The following TMEM134 variants were observed in gnomAD, a reference collection of about 807,000 sequenced individuals.
TMEM134 encodes transmembrane protein 134.
Under a neutral mutation model 26.2 loss-of-function variants are expected in TMEM134, and 36 were observed. That is an observed-to-expected ratio of 1.37 (90% CI 1.05 to 1.81). The LOEUF (loss-of-function observed/expected upper bound fraction) is 1.81, where lower values mean the gene tolerates loss of function less well. Ranked by LOEUF, TMEM134 falls within the 40% of genes most tolerant of loss-of-function variation. TMEM134 has a pLI of 0.00. For missense variants in TMEM134, 339 were observed against 263.5 expected (o/e 1.29, Z -1.98); for synonymous variants, 133 against 113.6 (o/e 1.17, Z -1.08).
At chr11:67,466,323 G>A (rs1457828523) in intron 4 of TMEM134, 1 of 152,292 alleles carries the variant, frequency 6.6e-6, no homozygotes, top group Non-Finnish European at 1.5e-5. Flanking sequence ...ACTCCTGCCT[G>A]GGCGACAGAG....
Position 67,469,175 on chromosome 11 carries a change from G to C in TMEM134, c.18C>G (p.Pro6=), listed in dbSNP as rs915108558. The C allele has an allele frequency of 7.3e-7, 1 of 1,362,344 alleles. No individual in the cohort carries two copies. Among genetic ancestry groups the C allele is most frequent in the Non-Finnish European group, 9.5e-7 (1 of 1,048,406 alleles). The allele number at this position is 1,362,344 out of a possible 1,614,324, so 84.4% of individuals were successfully genotyped here. ...CGAAGGCATCATCAATGCTGAACTG[G>C]GGCCGGGCGGCGCTCATGGCCCCGG... is the stretch of plus-strand genomic sequence containing the variant. MSAAR[P]QFSIDDAFEL... is the part of the protein sequence containing the mutation. The change falls in exon 1 of 7, where the codon CCC becomes CCG. Residue 6 remains proline (P), a synonymous_variant. Coordinates refer to ENST00000308022, the MANE Select transcript of TMEM134 (RefSeq NM_025124.4).
Position 67,469,246 on chromosome 11 carries a change from A to C in TMEM134, c.-54T>G. Reference sequence around the variant, plus strand: ...CGCCGCCATCTGCGCCCACACACCCAGCGTCGCCGCTGCCCCGCCCCCGCA... The same window carrying C: ...CGCCGCCATCTGCGCCCACACACCCCGCGTCGCCGCTGCCCCGCCCCCGCA... On this transcript the variant is annotated 5_prime_UTR_variant, in exon 1 of 7. Coordinates refer to ENST00000308022, the MANE Select transcript of TMEM134 (RefSeq NM_025124.4). 1 of 1,226,312 alleles carries C rather than the reference A, an allele frequency of 8.2e-7. No homozygotes were observed. Among genetic ancestry groups the C allele is most frequent in the Non-Finnish European group, 1.0e-6 (1 of 980,522 alleles). The allele number at this position is 1,226,312 out of a possible 1,614,324, so 76.0% of individuals were successfully genotyped here.
chr11:67,464,965 G>C, intron 5 of TMEM134, 91 bp downstream of exon 5: 17 of 1,507,670 alleles, frequency 1.1e-5, no homozygotes, highest in Non-Finnish European at 1.5e-5. Flanking sequence ...AAAAGGAGCC[G>C]TGTACTGCCG....
Position 67,464,857 on chromosome 11 carries a change from C to G in TMEM134, c.452-1G>C, listed in dbSNP as rs762916442. ...ACGAAGAAGATGGCGCTGGAGACACCTGCGGGAGGGACCAGAGCCCGGTCA... is the reference window on the plus strand; with the variant it reads ...ACGAAGAAGATGGCGCTGGAGACACGTGCGGGAGGGACCAGAGCCCGGTCA... On this transcript the variant is annotated splice_acceptor_variant, in intron 5 of 6. Coordinates refer to ENST00000308022, the MANE Select transcript of TMEM134 (RefSeq NM_025124.4). LOFTEE classifies it high-confidence loss of function. 3 of 1,610,398 alleles carry G rather than the reference C, an allele frequency of 1.9e-6. No individual in the cohort carries two copies. The highest frequency in any genetic ancestry group is 2.5e-6 in the Non-Finnish European group (3 of 1,179,754).
rs1464875722 is a variant in TMEM134 at position 67,469,201 on chromosome 11, C to A, written c.-9G>T. On this transcript the variant is annotated 5_prime_UTR_variant, in exon 1 of 7. Transcript: ENST00000308022. ...GGCCGGGCGGCGCTCATGGCCCCGGCCCGCTCAGGCGCCGTGCGCCGCCGC... is the reference window on the plus strand; with the variant it reads ...GGCCGGGCGGCGCTCATGGCCCCGGACCGCTCAGGCGCCGTGCGCCGCCGC... The A allele has an allele frequency of 2.3e-6, 3 of 1,289,594 alleles. No homozygotes were observed. Among genetic ancestry groups the A allele is most frequent in the Non-Finnish European group, 3.0e-6 (3 of 1,013,628 alleles). The allele number at this position is 1,289,594 out of a possible 1,614,324, so 79.9% of individuals were successfully genotyped here.
At chr11:67,464,881 C>T (rs759028369) in intron 5 of TMEM134, 25 bp from the exon 6 acceptor site, 21 of 1,608,726 alleles carry the variant, frequency 1.3e-5, no homozygotes, top group African/African-American at 1.2e-4. Context: ...AGAGCCCGGT[C>T]AGGGCGAGGG....
Position 67,464,021 on chromosome 11 carries a change from G to C in TMEM134, c.*593C>G, listed in dbSNP as rs137957890. The C allele has an allele frequency of 5.2e-3, 831 of 158,600 alleles. 2 individuals carry two copies. Among genetic ancestry groups the C allele is most frequent in the Non-Finnish European group, 9.0e-3 (639 of 71,360 alleles). 9.8% of individuals were successfully genotyped at this position (158,600 alleles called of 1,614,324 possible). On this transcript the variant is annotated 3_prime_UTR_variant, in exon 7 of 7. Coordinates refer to ENST00000308022, the MANE Select transcript of TMEM134 (RefSeq NM_025124.4). ...AGCCCAGGGCCCCAGAGCCAGGCTG[G>C]AACTAGGATACCAGCCTCCAGGTCC...
At chr11:67,467,186 A>AT (rs1250815296) in intron 4 of TMEM134, 126 bp downstream of exon 4, 26 of 842,838 alleles carry the variant, frequency 3.1e-5, no homozygotes, top group Non-Finnish European at 4.7e-5. Context: ...GAGTGTGATG[A>AT]TGGCAGCCAG....
chr11:67,465,469 G>A, intron 4 of TMEM134: 1 of 229,748 alleles, frequency 4.4e-6, no homozygotes, highest in Non-Finnish European at 8.7e-6. Flanking sequence ...AGGTGATTGG[G>A]ATATAGGGGG....
rs974076540 is a variant in TMEM134 at position 67,469,173 on chromosome 11, T to A, written c.20A>T (p.Gln7Leu). The A allele has an allele frequency of 1.2e-5, 17 of 1,369,126 alleles. No individual in the cohort carries two copies. Among genetic ancestry groups the A allele is most frequent in the Non-Finnish European group, 1.0e-5 (11 of 1,051,758 alleles). 84.8% of individuals were successfully genotyped at this position (1,369,126 alleles called of 1,614,324 possible). Reference protein sequence around the residue: MSAARPQFSIDDAFELS... With the variant: MSAARPLFSIDDAFELS... ...CTCGAAGGCATCATCAATGCTGAAC[T>A]GGGGCCGGGCGGCGCTCATGGCCCC... is the stretch of plus-strand genomic sequence containing the variant. Residue 7 changes from glutamine (Q) to leucine (L), a missense_variant, in exon 1 of 7, where the codon CAG (glutamine) becomes CTG (leucine). Transcript: ENST00000308022.
rs1865039788 is a variant in TMEM134, at chr11:67,462,254, G to C, written c.*2360C>G. Reference sequence around the variant, plus strand: ...ATTGCCTGTTTGTTCATATTCAATGGTTTTTGTCATTTTTCCTTTTTCCTA... The same window carrying C: ...ATTGCCTGTTTGTTCATATTCAATGCTTTTTGTCATTTTTCCTTTTTCCTA... On this transcript the variant is annotated 3_prime_UTR_variant, in exon 7 of 7. Coordinates refer to ENST00000308022, the MANE Select transcript of TMEM134 (RefSeq NM_025124.4). The C allele has an allele frequency of 6.6e-6, 1 of 150,612 alleles. No homozygotes were observed. The highest frequency in any genetic ancestry group is 1.5e-5 in the Non-Finnish European group (1 of 67,764). 9.3% of individuals were successfully genotyped at this position (150,612 alleles called of 1,614,324 possible). A position where few individuals can be genotyped will look rare whatever the true frequency, so the allele number is the denominator to read the frequency against.
In TMEM134 at chr11:67,465,119, G is replaced by T. The variant is rs770140606; in HGVS notation, c.407-19C>A. ...ATCAGCACTGCACACAGACGGAGCC[G>T]CGGGGGTGGGGGCAGGAGCAGTGGT... On this transcript the variant is annotated intron_variant, in intron 4 of 6. Transcript: ENST00000308022. The T allele has an allele frequency of 8.9e-6, 14 of 1,565,006 alleles. No individual in the cohort carries two copies. Among genetic ancestry groups the T allele is most frequent in the Non-Finnish European group, 1.2e-5 (14 of 1,161,130 alleles).
chr11:67,467,761 A>G, intron 2 of TMEM134, 171 bp from the exon 3 acceptor site: 1 of 699,898 alleles, frequency 1.4e-6, no homozygotes, highest in South Asian at 1.7e-5. Flanking sequence ...GCTGGGGATG[A>G]GCTAGGGGAT....
At chr11:67,468,277 A>G in intron 1 of TMEM134, 185 bp from the exon 2 acceptor site, 1 of 606,604 alleles carries the variant, frequency 1.6e-6, no homozygotes, top group East Asian at 2.8e-5. Context: ...AGGTGGGTGG[A>G]TGCCAGGGCT....
In TMEM134 at chr11:67,464,607, G is replaced by T. The variant is rs1274846012; in HGVS notation, c.*7C>A. 7.1e-6 allele frequency: 11 copies of T among 1,551,758 alleles called. No homozygotes were observed. The highest frequency in any genetic ancestry group is 7.8e-6 in the Non-Finnish European group (9 of 1,147,062). On this transcript the variant is annotated 3_prime_UTR_variant, in exon 7 of 7. Transcript: ENST00000308022. ...CATGGGCGCAAGGGGTCCACGCTGC[G>T]CCGCGATCACTTCTCGAAGTAGGGC...
In TMEM134 at chr11:67,462,668, T is replaced by C. The variant is rs1490614960; in HGVS notation, c.*1946A>G. The C allele has an allele frequency of 6.6e-6, 1 of 151,212 alleles. No individual in the cohort carries two copies. Among genetic ancestry groups the C allele is most frequent in the African/African-American group, 2.4e-5 (1 of 41,098 alleles). 9.4% of individuals were successfully genotyped at this position (151,212 alleles called of 1,614,324 possible). Reference sequence around the variant, plus strand: ...ACGCCCAGCCTCTGTATGTTTTTTATTTCATTTTTCTAGTTTTTAAAATTT... The same window carrying C: ...ACGCCCAGCCTCTGTATGTTTTTTACTTCATTTTTCTAGTTTTTAAAATTT... On this transcript the variant is annotated 3_prime_UTR_variant, in exon 7 of 7. Coordinates refer to ENST00000308022, the MANE Select transcript of TMEM134 (RefSeq NM_025124.4).
At chr11:67,468,113 CA>C (rs1005640012) in intron 1 of TMEM134, 21 bp from the exon 2 acceptor site, 86 of 1,555,068 alleles carry the variant, frequency 5.5e-5, no homozygotes, top group Non-Finnish European at 7.3e-5. Flanking sequence ...ACACAGGTCT[CA>C]GGGGGGTTGC....
intron 1 of TMEM134, 126 bp downstream of exon 1, chr11:67,468,893 G>T (rs1013151506): frequency 3.2e-6 from 3 of 945,694 alleles, no homozygotes; most frequent in African/African-American, 3.5e-5. Context: ...TCCGCGGGGC[G>T]GGGGGGCGGT....
intron 4 of TMEM134, chr11:67,465,370 G>T: frequency 1.2e-6 from 1 of 856,848 alleles, no homozygotes; most frequent in Non-Finnish European, 1.6e-6. Flanking sequence ...CTGGTACTGG[G>T]AATTCCGCCC....
Sources: gnomAD v4.1 joint callset for allele counts on GRCh38, gnomAD v4.1.1 for gene constraint, MANE v1.5 for transcripts, NCBI Gene and HGNC (gene_info 2026-07-23, HGNC 2026-07-21) for gene names.